ARHGEF26: variants seen among roughly 807,000 people sequenced by gnomAD.
The protein encoded by ARHGEF26 is Rho guanine nucleotide exchange factor (GEF) 26.
In ARHGEF26, 59 loss-of-function variants were observed where a neutral mutation model predicts 89.4. That is an observed-to-expected ratio of 0.66 (90% confidence interval 0.54 to 0.82). The LOEUF (loss-of-function observed/expected upper bound fraction) is 0.82. Among genes scored for constraint, ARHGEF26 ranks in the 40% least tolerant of loss-of-function variants. ARHGEF26 has a pLI of 0.00. For missense variants in ARHGEF26, 1,234 were observed against 1,085.6 expected (o/e 1.14, Z -1.92); for synonymous variants, 500 against 428.4 (o/e 1.17, Z -2.06).
chr3:154,255,211 C>G (rs1161543078), intron 14 of ARHGEF26, 120 bp from the exon 15 acceptor site: 3 of 1,056,112 alleles, frequency 2.8e-6, no homozygotes, highest in Non-Finnish European at 4.2e-6. Context: ...GTCCCACTTT[C>G]TCTTCTCACC....
At chr3:154,239,293 AGAGAGAGTGTGTGTGTGT>A (rs1559920583) in intron 11 of ARHGEF26, among the ~76,000 whole-genome samples, 308 of 58,980 alleles carry the variant, frequency 5.2e-3, no homozygotes, top group Middle Eastern at 0.031. Context: ...AGAGAGAGAG[AGAGAGAGTGTGTGTGTGT>A]GTGTGTGTGT....
At position 154,191,414 on chromosome 3, in the gene ARHGEF26, T is replaced by C. The variant is rs751886017; in HGVS notation, c.1766T>C (p.Met589Thr). Residue 589 changes from methionine (M) to threonine (T), a missense_variant, in exon 8 of 15, where the codon ATG becomes ACG. Physicochemically the swap from Met to Thr is moderately conservative, Grantham distance 81. Coordinates refer to ENST00000465093, the MANE Select transcript of ARHGEF26 (RefSeq NM_015595.4). ...MQRVTRLPLL[M>T]DTICQKTPKD... ...AGGGTGACCCGCCTTCCCCTGCTGA[T>C]GGATGTAAGACATGACGGTGGCTTT... 6.2e-6 allele frequency: 10 copies of C among 1,613,798 alleles called. No individual in the cohort carries two copies. In the Admixed American group the frequency reaches 1.5e-4, roughly 24 times the overall value.
intron 9 of ARHGEF26, among the ~76,000 whole-genome samples, chr3:154,212,818 C>A (rs986199644): frequency 1.3e-5 from 2 of 152,130 alleles, no homozygotes; most frequent in Non-Finnish European, 2.9e-5. Flanking sequence ...CTCCACTCAC[C>A]TCCTGCCGTG....
At chr3:154,160,838 G>A (rs957433934) in intron 6 of ARHGEF26, among the ~76,000 whole-genome samples, 3 of 152,128 alleles carry the variant, frequency 2.0e-5, no homozygotes, top group Non-Finnish European at 4.4e-5. Flanking sequence ...TGATGATGAA[G>A]TTGGGTAAAG....
At position 154,187,847 on chromosome 3, in the gene ARHGEF26, G is replaced by C. The variant is rs532992036; in HGVS notation, c.1640+10G>C. On this transcript the variant is annotated intron_variant, in intron 7 of 14. Coordinates refer to ENST00000465093, the MANE Select transcript of ARHGEF26 (RefSeq NM_015595.4). ...CACTACAAAAATTGTTGTAAGCAATGTCGAATGCTACAGTTTTAATCATCT... is the reference window on the plus strand; with the variant it reads ...CACTACAAAAATTGTTGTAAGCAATCTCGAATGCTACAGTTTTAATCATCT... 4 of 1,603,508 alleles carry C rather than the reference G, an allele frequency of 2.5e-6. No individual in the cohort carries two copies. The African/African-American group carries it at 5.4e-5, about 21-fold the overall frequency.
At chr3:154,204,420 C>T (rs1263127457) in intron 9 of ARHGEF26, among the ~76,000 whole-genome samples, 4 of 149,604 alleles carry the variant, frequency 2.7e-5, no homozygotes, top group South Asian at 2.1e-4. Context: ...CTGCAACCTC[C>T]GCCTCCTGAG....
intron 11 of ARHGEF26, among the ~76,000 whole-genome samples, chr3:154,239,249 CGAGAGAGAGAGGGAGAGAGAGA>C (rs1329203547): frequency 7.9e-5 from 5 of 63,360 alleles, no homozygotes; most frequent in African/African-American, 3.1e-4. Context: ...TGTAAATGAC[CGAGAGAGAGAGGGAGAGAGAGA>C]GAGAGAGAGA....
rs1283190153 is a variant in ARHGEF26 at position 154,122,546 on chromosome 3, C to T, written c.554C>T (p.Pro185Leu). Residue 185 changes from proline to leucine, a missense_variant, in exon 2 of 15, where the codon CCT becomes CTT. Pro to Leu is a moderately conservative substitution (Grantham distance 98). Transcript: ENST00000465093. ...ANGLAANNDSPGSGSQSGRKA... is the reference protein window; with the variant it reads ...ANGLAANNDSLGSGSQSGRKA... ...GGCCTTGCCGCTAATAACGACTCTC[C>T]TGGGTCAGGTTCGCAGTCCGGCCGG... 1 of 1,613,610 alleles carries T rather than the reference C, an allele frequency of 6.2e-7. No homozygotes were observed. The highest frequency in any genetic ancestry group is 8.5e-7 in the Non-Finnish European group (1 of 1,179,910).
At chr3:154,234,670 T>C (rs1028664167) in intron 11 of ARHGEF26, among the ~76,000 whole-genome samples, 9 of 152,240 alleles carry the variant, frequency 5.9e-5, no homozygotes, top group African/African-American at 2.2e-4. Context: ...GCAAACCCAC[T>C]ATTCTGCTTC....
intron 3 of ARHGEF26, among the ~76,000 whole-genome samples, chr3:154,126,656 T>C (rs1718347665): frequency 6.6e-6 from 1 of 152,212 alleles, no homozygotes; most frequent in Non-Finnish European, 1.5e-5. Context: ...ATCCAGTTTT[T>C]ACCATTGCCT....
chr3:154,146,224 T>A (rs1377436964), intron 4 of ARHGEF26, among the ~76,000 whole-genome samples: 1 of 152,162 alleles, frequency 6.6e-6, no homozygotes, highest in Non-Finnish European at 1.5e-5. Context: ...GGTAGAAGGG[T>A]TAGGGGTTTC....
At chr3:154,203,275 G>A (rs537430179) in intron 9 of ARHGEF26, among the ~76,000 whole-genome samples, 41 of 152,074 alleles carry the variant, frequency 2.7e-4, no homozygotes, top group African/African-American at 9.4e-4. Context: ...TTTGTCTTTG[G>A]TTCTGTTTAT....
intron 4 of ARHGEF26, among the ~76,000 whole-genome samples, chr3:154,134,082 A>C (rs1476309382): frequency 6.6e-6 from 1 of 152,166 alleles, no homozygotes; most frequent in Admixed American, 6.5e-5. Context: ...TATCAGCTTA[A>C]GAAGCTTTCC....
At chr3:154,123,938 A>T (rs1344369512) in intron 2 of ARHGEF26, among the ~76,000 whole-genome samples, 1 of 152,208 alleles carries the variant, frequency 6.6e-6, no homozygotes, top group Admixed American at 6.5e-5. Flanking sequence ...TTTGGCAGCC[A>T]CATTTTTTCT....
At chr3:154,189,379 C>G (rs1247710406) in intron 7 of ARHGEF26, among the ~76,000 whole-genome samples, 4 of 147,844 alleles carry the variant, frequency 2.7e-5, no homozygotes, top group African/African-American at 5.0e-5. Context: ...ACTCTGTCAC[C>G]CAGGCTGGAG....
In ARHGEF26 at chr3:154,149,377, T is replaced by C. The variant is rs1170877109; in HGVS notation, c.1270-12T>C. On this transcript the variant is annotated splice_polypyrimidine_tract_variant and intron_variant, in intron 4 of 14. Coordinates refer to ENST00000465093, the MANE Select transcript of ARHGEF26 (RefSeq NM_015595.4). Reference sequence around the variant, plus strand: ...AATAAATGAGTCAACTCTACTTTGCTTTTTCTCCTAGGTGAAAAGAAAGGG... The same window carrying C: ...AATAAATGAGTCAACTCTACTTTGCCTTTTCTCCTAGGTGAAAAGAAAGGG... 1 of 1,597,078 alleles carries C rather than the reference T, an allele frequency of 6.3e-7. No individual in the cohort carries two copies. Among genetic ancestry groups the C allele is most frequent in the Admixed American group, 1.7e-5 (1 of 58,044 alleles).
At chr3:154,152,115 G>C (rs1720061111) in intron 5 of ARHGEF26, among the ~76,000 whole-genome samples, 1 of 152,158 alleles carries the variant, frequency 6.6e-6, no homozygotes, top group Admixed American at 6.5e-5. Context: ...GCTCCTTCTT[G>C]AGACATTGAT....
chr3:154,138,377 TA>T (rs1719148942), intron 4 of ARHGEF26, among the ~76,000 whole-genome samples: 1 of 152,232 alleles, frequency 6.6e-6, no homozygotes, highest in Non-Finnish European at 1.5e-5. Flanking sequence ...AATATCACTT[TA>T]AAAAGTTTTT....
intron 7 of ARHGEF26, among the ~76,000 whole-genome samples, chr3:154,189,504 ATT>A (rs202023958): frequency 1.3e-5 from 2 of 151,704 alleles, no homozygotes; most frequent in Non-Finnish European, 2.9e-5. Flanking sequence ...CACCCAGTTA[ATT>A]TTTTGTATTT....
Sources: allele counts gnomAD v4.1 joint callset (sites outside exome capture counted in the v4.1 genomes callset), GRCh38; gene constraint gnomAD v4.1.1; transcripts MANE v1.5; gene names NCBI Gene and HGNC (gene_info 2026-07-23, HGNC 2026-07-21).